The following ABHD6 variants were observed in gnomAD, a reference collection of about 807,000 sequenced individuals.
The protein encoded by ABHD6 is monoacylglycerol lipase ABHD6.
ABHD6 carries 33 observed loss-of-function variants against 38.8 expected under a neutral mutation model. The observed-to-expected ratio is 0.85, with a 90% CI of 0.64 to 1.14. The LOEUF (loss-of-function observed/expected upper bound fraction) is 1.14, where lower values mean the gene tolerates loss of function less well. ABHD6 is among the 50% of genes most tolerant of loss of function. ABHD6 has a pLI of 0.00. For synonymous variants in ABHD6, 147 were observed against 161.6 expected, an observed-to-expected ratio of 0.91 and a Z score of 0.69; for missense variants, 380 against 422.6, an observed-to-expected ratio of 0.90 and a Z score of 0.88.
chr3:58,244,102 C>T (rs1024785364), intron 1 of ABHD6, among the ~76,000 whole-genome samples: 1 of 152,190 alleles, frequency 6.6e-6, no homozygotes, highest in African/African-American at 2.4e-5. Context: ...GGCTCTGCGT[C>T]TCTGCCTGGT....
At chr3:58,278,210 G>A (rs1290554253) in intron 7 of ABHD6, among the ~76,000 whole-genome samples, 5 of 152,160 alleles carry the variant, frequency 3.3e-5, no homozygotes, top group Non-Finnish European at 7.3e-5. Context: ...GGTAGAATTC[G>A]CCTGTAAATC....
chr3:58,293,747 C>T lies in ABHD6; in HGVS notation c.996C>T (p.Asn332=), dbSNP rs2097465149. Residue 332 remains asparagine, a synonymous_variant, in exon 10 of 10, where the codon AAC becomes AAT. Transcript: ENST00000478253. This position sits in a 1 kb window ranked among gnomAD's most constrained non-coding sequence, Gnocchi z 4.4. ...DFLASVHNTD[N]NKKLD ...TAGCTTCTGTGCACAACACAGACAA[C>T]AACAAGAAGCTGGACTGAGGCCCCG... 2 of 1,614,170 alleles carry T rather than the reference C, an allele frequency of 1.2e-6. No individual in the cohort carries two copies. The highest frequency in any genetic ancestry group is 1.7e-6 in the Non-Finnish European group (2 of 1,180,014).
chr3:58,272,699 T>C (rs1185287833), intron 6 of ABHD6, among the ~76,000 whole-genome samples: 3 of 152,174 alleles, frequency 2.0e-5, no homozygotes, highest in Non-Finnish European at 4.4e-5. Context: ...CAAGTATAGG[T>C]TCATTTGCTC....
At chr3:58,290,960 C>T (rs34699298) in intron 9 of ABHD6, among the ~76,000 whole-genome samples, 609 of 152,172 alleles carry the variant, frequency 4.0e-3, no homozygotes, top group Non-Finnish European at 6.6e-3. Flanking sequence ...AGACGCTCCT[C>T]GCTTCCTAGA....
chr3:58,285,578 A>C lies in ABHD6; in HGVS notation c.837+125A>C. ...ATCGCTGCTGTCAGGAAGAGGGGGA[A>C]GGCACCTGTGTTGGGTGCCAGTGTT... On this transcript the variant is annotated intron_variant, in intron 9 of 9. Transcript: ENST00000478253. This position sits in a 1 kb window ranked among gnomAD's most constrained non-coding sequence, Gnocchi z 4.9. 3 of 819,430 alleles carry C rather than the reference A, an allele frequency of 3.7e-6. No individual in the cohort carries two copies. The South Asian group carries it at 4.8e-5, about 13-fold the overall frequency. 50.8% of individuals were successfully genotyped at this position (819,430 alleles called of 1,614,324 possible).
chr3:58,245,702 C>G (rs926303897), intron 1 of ABHD6, among the ~76,000 whole-genome samples: 5 of 152,064 alleles, frequency 3.3e-5, no homozygotes, highest in African/African-American at 1.2e-4. Flanking sequence ...ATTGCTTGAA[C>G]CCCAGAGGCA....
At chr3:58,247,324 C>T (rs922357616) in intron 1 of ABHD6, among the ~76,000 whole-genome samples, 2 of 151,664 alleles carry the variant, frequency 1.3e-5, no homozygotes, top group African/African-American at 2.4e-5. Context: ...GTGTAGAGTC[C>T]GGGACTGGCC....
chr3:58,277,996 A>G (rs1240822889), intron 7 of ABHD6, among the ~76,000 whole-genome samples: 1 of 152,118 alleles, frequency 6.6e-6, no homozygotes, highest in Non-Finnish European at 1.5e-5. Context: ...CTGCTGCTGG[A>G]TTCGGTTTGC....
chr3:58,250,674 C>A (rs751335940), intron 2 of ABHD6, among the ~76,000 whole-genome samples: 5 of 152,040 alleles, frequency 3.3e-5, no homozygotes, highest in Non-Finnish European at 7.4e-5. Flanking sequence ...ACCTTACATT[C>A]CTAGTAAATG....
chr3:58,251,579 A>T lies in ABHD6; in HGVS notation c.-26+1637A>T, dbSNP rs568445885. On this transcript the variant is annotated intron_variant, in intron 2 of 9. Coordinates refer to ENST00000478253, the MANE Select transcript of ABHD6 (RefSeq NM_001320126.2). This position sits in a 1 kb window ranked among gnomAD's most constrained non-coding sequence, Gnocchi z 5.4. Reference sequence around the variant, plus strand: ...GTAATGTTTATCTGGATCCACTGACATGTCCCCTATCCAATTAATCTTTGC... The same window carrying T: ...GTAATGTTTATCTGGATCCACTGACTTGTCCCCTATCCAATTAATCTTTGC... Among the ~76,000 whole-genome samples the T allele has an allele frequency of 3.3e-5, 5 of 152,124 alleles. No homozygotes were observed. Among genetic ancestry groups the T allele is most frequent in the Non-Finnish European group, 7.4e-5 (5 of 68,012 alleles).
At chr3:58,291,489 G>A (rs576006624) in intron 9 of ABHD6, among the ~76,000 whole-genome samples, 37 of 152,238 alleles carry the variant, frequency 2.4e-4, no homozygotes, top group African/African-American at 8.9e-4. Context: ...GAACTCCTGG[G>A]TTCAAGAGAT....
At chr3:58,243,772 T>C (rs1347449599) in intron 1 of ABHD6, among the ~76,000 whole-genome samples, 1 of 152,092 alleles carries the variant, frequency 6.6e-6, no homozygotes, top group Non-Finnish European at 1.5e-5. Context: ...GGCATTCTTG[T>C]GCCTCAGCCT....
intron 9 of ABHD6, among the ~76,000 whole-genome samples, chr3:58,290,030 C>T (rs1175557017): frequency 3.1e-5 from 4 of 130,558 alleles, no homozygotes; most frequent in Admixed American, 1.5e-4. Context: ...GGCGGCTGGC[C>T]GGGCGGGGGG....
chr3:58,291,230 C>T (rs2097462548), intron 9 of ABHD6, among the ~76,000 whole-genome samples: 1 of 151,138 alleles, frequency 6.6e-6, no homozygotes, highest in South Asian at 2.2e-4. Flanking sequence ...ATACGAAAAC[C>T]AGTCAGGCGT....
chr3:58,284,673 A>G (rs2097455685), intron 7 of ABHD6, among the ~76,000 whole-genome samples: 1 of 150,186 alleles, frequency 6.7e-6, no homozygotes, highest in Non-Finnish European at 1.5e-5. Flanking sequence ...CTGGTCTTGA[A>G]CTCCTGGCCT....
intron 2 of ABHD6, among the ~76,000 whole-genome samples, chr3:58,250,201 G>T (rs2292676): frequency 0.41 from 62,803 of 151,880 alleles, 13,841 homozygotes; most frequent in African/African-American, 0.57. Context: ...AGGGAGTCTG[G>T]AAGGCATGGG....
At chr3:58,240,159 A>AAAAT (rs777225681) in intron 1 of ABHD6, among the ~76,000 whole-genome samples, 1 of 152,094 alleles carries the variant, frequency 6.6e-6, no homozygotes, top group East Asian at 1.9e-4. Flanking sequence ...CTCAAAAAAT[A>AAAAT]AAATAAATAA....
chr3:58,286,842 G>GCA (rs1264959604), intron 9 of ABHD6, among the ~76,000 whole-genome samples: 1 of 36,414 alleles, frequency 2.7e-5, no homozygotes, highest in Non-Finnish European at 5.2e-5. Flanking sequence ...GTGTGTGTGT[G>GCA]TGTGTGTGTG....
intron 9 of ABHD6, among the ~76,000 whole-genome samples, chr3:58,286,118 C>G (rs2097456776): frequency 6.6e-6 from 1 of 152,044 alleles, no homozygotes; most frequent in Non-Finnish European, 1.5e-5. Context: ...CTCCTGGGTT[C>G]ACGCCATTCT....
Sources: allele counts gnomAD v4.1 joint callset (sites outside exome capture counted in the v4.1 genomes callset), GRCh38; gene constraint gnomAD v4.1.1; non-coding constraint Gnocchi (gnomAD v3.1); transcripts MANE v1.5; gene names NCBI Gene and HGNC (gene_info 2026-07-23, HGNC 2026-07-21).